Variants in GRIA2 observed in about 807,000 individuals in gnomAD.
GRIA2 encodes glutamate receptor 2.
GRIA2 carries 14 observed loss-of-function variants against 97.3 expected under a neutral mutation model. That is an observed-to-expected ratio of 0.14 (90% confidence interval 0.10 to 0.23). GRIA2 has a LOEUF of 0.23. Among genes scored for constraint, GRIA2 ranks in the 10% least tolerant of loss-of-function variants. The pLI, the probability that GRIA2 is intolerant of heterozygous loss-of-function variation, is 1.00. For missense variants in GRIA2, 558 were observed against 1,069.8 expected (o/e 0.52, Z 6.67); for synonymous variants, 412 against 387.8 (o/e 1.06, Z -0.73).
chr4:157,272,183 A>G (rs762743818), intron 2 of GRIA2, among the ~76,000 whole-genome samples: 5 of 152,210 alleles, frequency 3.3e-5, no homozygotes, highest in Middle Eastern at 3.4e-3. Flanking sequence ...AGGAATCAGC[A>G]TGGTAAAGGG....
chr4:157,252,771 A>G (rs972535418), intron 2 of GRIA2, among the ~76,000 whole-genome samples: 1 of 152,140 alleles, frequency 6.6e-6, no homozygotes, highest in African/African-American at 2.4e-5. Context: ...AGAAATTCAC[A>G]TTATAGATAA....
intron 12 of GRIA2, among the ~76,000 whole-genome samples, chr4:157,352,087 C>G (rs976349572): frequency 2.2e-4 from 33 of 152,316 alleles, no homozygotes; most frequent in African/African-American, 7.9e-4. Context: ...CTCTAATTTA[C>G]TCAAGCCTCA....
chr4:157,275,799 G>A (rs1296622560), intron 2 of GRIA2, among the ~76,000 whole-genome samples: 1 of 151,946 alleles, frequency 6.6e-6, no homozygotes, highest in Non-Finnish European at 1.5e-5. Flanking sequence ...AAGTCAGGTA[G>A]CGTGATGCCT....
intron 12 of GRIA2, among the ~76,000 whole-genome samples, chr4:157,344,868 C>A (rs901149559): frequency 2.6e-5 from 4 of 151,974 alleles, no homozygotes; most frequent in African/African-American, 9.7e-5. Flanking sequence ...TATGTTGAGA[C>A]CATTTAGAAA....
At chr4:157,345,754 G>A (rs1160188091) in intron 12 of GRIA2, among the ~76,000 whole-genome samples, 1 of 151,994 alleles carries the variant, frequency 6.6e-6, no homozygotes, top group Non-Finnish European at 1.5e-5. Context: ...TGTTCCTTCT[G>A]GTTGTCTCCT....
At chr4:157,258,987 C>G (rs1731406827) in intron 2 of GRIA2, among the ~76,000 whole-genome samples, 1 of 152,018 alleles carries the variant, frequency 6.6e-6, no homozygotes, top group African/African-American at 2.4e-5. Flanking sequence ...GAGGCCAAGA[C>G]AGGACAGGAT....
intron 2 of GRIA2, among the ~76,000 whole-genome samples, chr4:157,250,158 T>C (rs1406327141): frequency 2.0e-5 from 3 of 152,118 alleles, no homozygotes; most frequent in Admixed American, 6.6e-5. Context: ...CAGCTTTAAG[T>C]TGAAGATACA....
intron 2 of GRIA2, among the ~76,000 whole-genome samples, chr4:157,261,340 G>T (rs1020783251): frequency 2.0e-5 from 3 of 151,912 alleles, no homozygotes; most frequent in Admixed American, 1.3e-4. Flanking sequence ...TCAAAATGTG[G>T]GTATGCACTA....
chr4:157,222,070 G>A (rs1579281780), intron 2 of GRIA2, among the ~76,000 whole-genome samples: 2 of 152,264 alleles, frequency 1.3e-5, no homozygotes, highest in Admixed American at 1.3e-4. Flanking sequence ...GAGGGTTGGA[G>A]CCAGGGAGGG....
At chr4:157,235,520 A>T (rs1340316228) in intron 2 of GRIA2, among the ~76,000 whole-genome samples, 2 of 152,086 alleles carry the variant, frequency 1.3e-5, no homozygotes, top group African/African-American at 4.8e-5. Context: ...CAGAAATGGT[A>T]ATTCAAAAAA....
At chr4:157,356,084 T>C (rs1434498442) in intron 12 of GRIA2, among the ~76,000 whole-genome samples, 1 of 124,242 alleles carries the variant, frequency 8.0e-6, no homozygotes, top group Non-Finnish European at 1.6e-5. Context: ...TTTATTTATT[T>C]ATATATATTT....
chr4:157,364,288 T>C lies in GRIA2; in HGVS notation c.*857T>C, dbSNP rs994839250. On this transcript the variant is annotated 3_prime_UTR_variant, in exon 16 of 16. Transcript: ENST00000264426. ...AAATAAACATTTTTCTATTGTTTTA[T>C]TGCAAGTGGTCCAATTAATTTTGCT... 1.3e-5 allele frequency: 2 copies of C among 152,474 alleles called. No homozygotes were observed. Among genetic ancestry groups the C allele is most frequent in the African/African-American group, 4.8e-5 (2 of 41,444 alleles). The allele number at this position is 152,474 out of a possible 1,614,324, so 9.4% of individuals were successfully genotyped here.
At chr4:157,224,240 G>A (rs1452307018) in intron 2 of GRIA2, among the ~76,000 whole-genome samples, 1 of 152,098 alleles carries the variant, frequency 6.6e-6, no homozygotes, top group Non-Finnish European at 1.5e-5. Context: ...TATTATAGTA[G>A]GATAGTAAAA....
chr4:157,259,839 T>C (rs1281339067), intron 2 of GRIA2, among the ~76,000 whole-genome samples: 3 of 152,136 alleles, frequency 2.0e-5, no homozygotes, highest in South Asian at 2.1e-4. Context: ...GGTAACACCA[T>C]TACATCTGTA....
In GRIA2 at chr4:157,362,683, T is replaced by A. The variant is rs1736685749; in HGVS notation, c.2407-116T>A. On this transcript the variant is annotated intron_variant, in intron 14 of 15. Transcript: ENST00000264426. Reference sequence around the variant, plus strand: ...AAGAGAAAATCCATTGTTTCTCAAATTCAAATGCATTCTGTGTGACTAGGT... The same window carrying A: ...AAGAGAAAATCCATTGTTTCTCAAAATCAAATGCATTCTGTGTGACTAGGT... 3.5e-6 allele frequency: 3 copies of A among 850,498 alleles called. No homozygotes were observed. The African/African-American group carries it at 5.1e-5, about 14-fold the overall frequency. 52.7% of individuals were successfully genotyped at this position (850,498 alleles called of 1,614,324 possible).
intron 2 of GRIA2, among the ~76,000 whole-genome samples, chr4:157,225,758 T>A (rs1729715359): frequency 1.3e-5 from 2 of 151,932 alleles, no homozygotes; most frequent in South Asian, 4.2e-4. Flanking sequence ...ATGAGGGTAT[T>A]CCAGTAGTTC....
At chr4:157,221,878 G>A in intron 2 of GRIA2, 71 bp downstream of exon 2, 2 of 1,402,442 alleles carry the variant, frequency 1.4e-6, no homozygotes, top group Non-Finnish European at 2.0e-6. Context: ...GTGTGTGTGC[G>A]TTTCTGGGGT....
intron 9 of GRIA2, 168 bp from the exon 10 acceptor site, chr4:157,335,503 G>C (rs1735242094): frequency 5.0e-6 from 3 of 596,772 alleles, no homozygotes; most frequent in Non-Finnish European, 9.0e-6. Context: ...AGGCTTTCTG[G>C]GGGGAAGCAT....
intron 2 of GRIA2, among the ~76,000 whole-genome samples, chr4:157,233,934 TG>T (rs1472596533): frequency 6.6e-6 from 1 of 152,178 alleles, no homozygotes; most frequent in African/African-American, 2.4e-5. Context: ...GCTATAAATT[TG>T]TGGAGAAGCT....
Sources: gnomAD v4.1 joint callset for allele counts (sites outside exome capture counted in the v4.1 genomes callset) on GRCh38, gnomAD v4.1.1 for gene constraint, MANE v1.5 for transcripts, NCBI Gene and HGNC (gene_info 2026-07-23, HGNC 2026-07-21) for gene names.